Variants in SMAP1 observed in about 807,000 individuals in gnomAD.
SMAP1 encodes stromal membrane-associated protein 1.
In SMAP1, 24 loss-of-function variants were observed where a neutral mutation model predicts 58.5. That is an observed-to-expected ratio of 0.41 (90% CI 0.30 to 0.58). The LOEUF (loss-of-function observed/expected upper bound fraction) is 0.58. SMAP1 is among the 20% of genes least tolerant of loss of function. The pLI, the probability that SMAP1 is intolerant of heterozygous loss-of-function variation, is 0.29. For synonymous variants in SMAP1, 216 were observed against 196.6 expected, an observed-to-expected ratio of 1.10 and a Z score of -0.82; for missense variants, 563 against 566.3, an observed-to-expected ratio of 0.99 and a Z score of 0.06.
intron 1 of SMAP1, among the ~76,000 whole-genome samples, chr6:70,721,442 G>A (rs9351793): frequency 0.17 from 25,917 of 151,962 alleles, 3,529 homozygotes; most frequent in East Asian, 0.61. Context: ...TGTCTATATC[G>A]CTATCAGCAT....
At chr6:70,816,380 G>A (rs1769630560) in intron 6 of SMAP1, among the ~76,000 whole-genome samples, 1 of 152,128 alleles carries the variant, frequency 6.6e-6, no homozygotes, top group Non-Finnish European at 1.5e-5. Flanking sequence ...CCTGGCTGTA[G>A]TATGTAGGAT....
intron 6 of SMAP1, among the ~76,000 whole-genome samples, chr6:70,836,262 G>A (rs1340158214): frequency 6.6e-6 from 1 of 152,184 alleles, no homozygotes; most frequent in African/African-American, 2.4e-5. Flanking sequence ...GGAAGGCAAG[G>A]AAGAGCAAGT....
At chr6:70,687,443 A>G (rs1048893547) in intron 1 of SMAP1, among the ~76,000 whole-genome samples, 2 of 152,154 alleles carry the variant, frequency 1.3e-5, no homozygotes, top group Non-Finnish European at 2.9e-5. Context: ...TGATTATAGT[A>G]CATTTTTCTC....
chr6:70,690,359 T>C (rs1016541141), intron 1 of SMAP1, among the ~76,000 whole-genome samples: 26 of 152,034 alleles, frequency 1.7e-4, no homozygotes, highest in East Asian at 9.6e-4. Flanking sequence ...CAGGCTGGAG[T>C]GCAGTGGTGC....
At chr6:70,801,596 GTGTCCTGAA>G (rs1562171099) in intron 6 of SMAP1, among the ~76,000 whole-genome samples, 1 of 152,034 alleles carries the variant, frequency 6.6e-6, no homozygotes, top group Non-Finnish European at 1.5e-5. Context: ...GCCCATGCCT[GTGTCCTGAA>G]TGGTATTGCC....
At chr6:70,800,342 G>C (rs1287058851) in intron 6 of SMAP1, among the ~76,000 whole-genome samples, 1 of 151,826 alleles carries the variant, frequency 6.6e-6, no homozygotes, top group Non-Finnish European at 1.5e-5. Flanking sequence ...CCTTTTCATA[G>C]GCCTGGTTCA....
chr6:70,845,101 A>C (rs561564618), intron 7 of SMAP1, among the ~76,000 whole-genome samples: 1 of 152,352 alleles, frequency 6.6e-6, no homozygotes, highest in Non-Finnish European at 1.5e-5. Flanking sequence ...AATGGTAATG[A>C]AAAACAGCCA....
intron 1 of SMAP1, among the ~76,000 whole-genome samples, chr6:70,684,950 C>T (rs961338868): frequency 1.3e-5 from 2 of 152,168 alleles, no homozygotes; most frequent in African/African-American, 4.8e-5. Context: ...TTCACTCCCT[C>T]CTTCCTTCTT....
Position 70,742,219 on chromosome 6 carries a change from A to G in SMAP1, c.252+9708A>G, listed in dbSNP as rs138513846. On this transcript the variant is annotated intron_variant, in intron 2 of 10. Coordinates refer to ENST00000370455, the MANE Select transcript of SMAP1 (RefSeq NM_001044305.3). ...AAAATGAGTTTTTCTTTCCTATCGC[A>G]TCATCAGACTGCAAATTTTCCAAAC... Among the ~76,000 whole-genome samples the G allele has an allele frequency of 8.5e-5, 13 of 152,322 alleles. 1 individual carries two copies. Among genetic ancestry groups the G allele is most frequent in the African/African-American group, 3.1e-4 (13 of 41,572 alleles).
chr6:70,757,674 A>G (rs1766555920), intron 3 of SMAP1, among the ~76,000 whole-genome samples: 1 of 152,110 alleles, frequency 6.6e-6, no homozygotes, highest in Admixed American at 6.5e-5. Context: ...AATTTACAAG[A>G]AAAAAACAAA....
intron 3 of SMAP1, among the ~76,000 whole-genome samples, chr6:70,770,647 C>T (rs941114479): frequency 1.3e-5 from 2 of 152,152 alleles, no homozygotes; most frequent in African/African-American, 2.4e-5. Context: ...GTTCTACATT[C>T]GTCTGAATTT....
In SMAP1 at chr6:70,861,122, GTA is replaced by G. The variant is rs1771705420; in HGVS notation, c.*790_*791del. 1 of 169,114 alleles carries G rather than the reference GTA, an allele frequency of 5.9e-6. No individual in the cohort carries two copies. The highest frequency in any genetic ancestry group is 2.4e-5 in the African/African-American group (1 of 42,220). 10.5% of individuals were successfully genotyped at this position (169,114 alleles called of 1,614,324 possible). The stretch of plus-strand genomic sequence containing the variant: ...TTGTGTTTACATTTTATGGTGCCTA[GTA>G]TTGACAAAATGTTATTTCCCTACAT... On this transcript the variant is annotated 3_prime_UTR_variant, in exon 11 of 11. Coordinates refer to ENST00000370455, the MANE Select transcript of SMAP1 (RefSeq NM_001044305.3).
chr6:70,771,744 G>T (rs1454416428), intron 3 of SMAP1, among the ~76,000 whole-genome samples: 1 of 152,152 alleles, frequency 6.6e-6, no homozygotes, highest in Non-Finnish European at 1.5e-5. Flanking sequence ...CTCGCCCACG[G>T]TGTGCTGCAC....
intron 1 of SMAP1, among the ~76,000 whole-genome samples, chr6:70,716,681 A>G (rs1768281832): frequency 1.3e-5 from 2 of 151,800 alleles, no homozygotes; most frequent in African/African-American, 4.8e-5. Flanking sequence ...TTTTTGGTTC[A>G]GTTATTATAT....
At chr6:70,858,361 A>T in intron 10 of SMAP1, 132 bp downstream of exon 10, 2 of 723,128 alleles carry the variant, frequency 2.8e-6, no homozygotes, top group Non-Finnish European at 2.1e-6. Context: ...ATAATATGTT[A>T]TAGGGTCAAA....
At chr6:70,839,628 C>G (rs1028981812) in intron 7 of SMAP1, among the ~76,000 whole-genome samples, 4 of 152,068 alleles carry the variant, frequency 2.6e-5, no homozygotes, top group Admixed American at 2.6e-4. Flanking sequence ...CAATGACTCA[C>G]AGTGGGTCAT....
chr6:70,689,854 T>A (rs1325625881), intron 1 of SMAP1, among the ~76,000 whole-genome samples: 2 of 152,200 alleles, frequency 1.3e-5, no homozygotes, highest in Non-Finnish European at 2.9e-5. Flanking sequence ...AAATTTTAAT[T>A]TCTGATTATT....
At chr6:70,746,109 C>T (rs868248187) in intron 2 of SMAP1, among the ~76,000 whole-genome samples, 11 of 152,166 alleles carry the variant, frequency 7.2e-5, no homozygotes, top group African/African-American at 2.2e-4. Context: ...ACAATCATGT[C>T]ATCTGCAAAT....
At chr6:70,697,750 A>T (rs1310948777) in intron 1 of SMAP1, among the ~76,000 whole-genome samples, 1 of 152,174 alleles carries the variant, frequency 6.6e-6, no homozygotes, top group East Asian at 1.9e-4. Context: ...TTTTAAACTG[A>T]TGACAACTTA....
Sources: gnomAD v4.1 joint callset for allele counts (sites outside exome capture counted in the v4.1 genomes callset) on GRCh38, gnomAD v4.1.1 for gene constraint, MANE v1.5 for transcripts, NCBI Gene and HGNC (gene_info 2026-07-23, HGNC 2026-07-21) for gene names.